The following SLC10A6 variants were observed in gnomAD, a reference collection of about 807,000 sequenced individuals.
SLC10A6 encodes the protein sodium-dependent organic anion transporter.
SLC10A6 carries 27 observed loss-of-function variants against 30.0 expected under a neutral mutation model. That is an observed-to-expected ratio of 0.90 (90% CI 0.66 to 1.24). SLC10A6 has a LOEUF of 1.24. Among genes scored for constraint, SLC10A6 ranks in the 50% most tolerant of loss-of-function variants. The probability of loss-of-function intolerance (pLI) is 0.00; values close to 1 mark genes in which losing one functional copy is unlikely to be tolerated. For missense variants in SLC10A6, 439 were observed against 457.0 expected, an observed-to-expected ratio of 0.96 and a Z score of 0.36; for synonymous variants, 166 against 173.8, an observed-to-expected ratio of 0.95 and a Z score of 0.36.
At chr4:86,846,648 C>T (rs1054795618) in intron 1 of SLC10A6, among the ~76,000 whole-genome samples, 1 of 152,162 alleles carries the variant, frequency 6.6e-6, no homozygotes, top group East Asian at 1.9e-4. Flanking sequence ...ATCACTTGAA[C>T]CCAGGAGGTG....
Position 86,823,684 on chromosome 4 carries a change from C to T in SLC10A6, c.*4G>A. ...AGGGGGCCAGTCCAGCCAGCTAGTCCCTGCTATTCACATGAAGTGATGTGG... is the reference window on the plus strand; with the variant it reads ...AGGGGGCCAGTCCAGCCAGCTAGTCTCTGCTATTCACATGAAGTGATGTGG... On this transcript the variant is annotated 3_prime_UTR_variant, in exon 6 of 6. Coordinates refer to ENST00000273905, the MANE Select transcript of SLC10A6 (RefSeq NM_197965.3). 1.9e-6 allele frequency: 3 copies of T among 1,586,270 alleles called. No individual in the cohort carries two copies. The highest frequency in any genetic ancestry group is 2.6e-6 in the Non-Finnish European group (3 of 1,166,452).
At chr4:86,829,716 C>T (rs1434772583) in intron 3 of SLC10A6, among the ~76,000 whole-genome samples, 1 of 150,944 alleles carries the variant, frequency 6.6e-6, no homozygotes, top group Non-Finnish European at 1.5e-5. Flanking sequence ...TGAAGATATA[C>T]TAAAATAATG....
intron 1 of SLC10A6, among the ~76,000 whole-genome samples, chr4:86,840,076 A>ATT (rs777856705): frequency 1.4e-5 from 2 of 142,318 alleles, no homozygotes; most frequent in Non-Finnish European, 1.6e-5. Context: ...CACCAGGCTA[A>ATT]TTTTTTTTTT....
chr4:86,825,068 C>G (rs1359687947), intron 5 of SLC10A6, among the ~76,000 whole-genome samples: 1 of 152,164 alleles, frequency 6.6e-6, no homozygotes, highest in Non-Finnish European at 1.5e-5. Context: ...TGAGACCTAA[C>G]AAATCAACGC....
intron 3 of SLC10A6, among the ~76,000 whole-genome samples, chr4:86,830,700 G>A (rs992721910): frequency 6.6e-6 from 1 of 152,178 alleles, no homozygotes; most frequent in Non-Finnish European, 1.5e-5. Context: ...AATGTTCTGT[G>A]AGGTAGAGCC....
chr4:86,842,880 T>TC (rs1242095027), intron 1 of SLC10A6, among the ~76,000 whole-genome samples: 16 of 116,614 alleles, frequency 1.4e-4, no homozygotes, highest in Admixed American at 3.9e-4. Flanking sequence ...CTTTCTTTTT[T>TC]TTTTTGAGAT....
intron 5 of SLC10A6, 124 bp downstream of exon 5, chr4:86,825,296 T>C: frequency 1.2e-6 from 1 of 831,052 alleles, no homozygotes; most frequent in Non-Finnish European, 1.8e-6. Context: ...TCCCCAGAAA[T>C]GTCAGGCTTT....
chr4:86,847,276 C>G (rs1421550939), intron 1 of SLC10A6, among the ~76,000 whole-genome samples: 2 of 152,134 alleles, frequency 1.3e-5, no homozygotes. Flanking sequence ...AGAAAATAAG[C>G]ATGAAAGCAT....
At chr4:86,846,341 G>C (rs887063171) in intron 1 of SLC10A6, among the ~76,000 whole-genome samples, 39 of 152,236 alleles carry the variant, frequency 2.6e-4, no homozygotes, top group African/African-American at 7.9e-4. Context: ...AAGAGGAAAA[G>C]TAGCTAATAT....
chr4:86,832,470 G>A (rs150971800), intron 2 of SLC10A6, among the ~76,000 whole-genome samples: 1,666 of 152,120 alleles, frequency 0.011, 14 homozygotes, highest in Non-Finnish European at 0.017. Flanking sequence ...AGCCGGGTGT[G>A]GTGGCCTGCA....
intron 3 of SLC10A6, 86 bp downstream of exon 3, chr4:86,831,706 G>A (rs1458638781): frequency 9.1e-7 from 1 of 1,099,386 alleles, no homozygotes; most frequent in African/African-American, 1.6e-5. Context: ...TACTCAACAA[G>A]CTCACTTGTC....
At chr4:86,827,614 C>T (rs140561338) in intron 4 of SLC10A6, among the ~76,000 whole-genome samples, 1 of 152,164 alleles carries the variant, frequency 6.6e-6, no homozygotes, top group East Asian at 1.9e-4. Flanking sequence ...TACTAAAGAA[C>T]TAAAATTATC....
intron 5 of SLC10A6, 147 bp downstream of exon 5, chr4:86,825,273 A>C (rs1578753055): frequency 1.6e-6 from 1 of 629,740 alleles, no homozygotes; most frequent in Admixed American, 2.9e-5. Context: ...TATCCTGTCT[A>C]TGTGCCTTAT....
At chr4:86,828,599 C>G (rs750054374) in intron 3 of SLC10A6, among the ~76,000 whole-genome samples, 2 of 151,894 alleles carry the variant, frequency 1.3e-5, no homozygotes, top group African/African-American at 4.8e-5. Context: ...TGCCTCCCCT[C>G]CCACCGCCCC....
rs1746439837 is a variant in SLC10A6 at position 86,849,021 on chromosome 4, A to G, written c.95T>C (p.Leu32Pro). The G allele has an allele frequency of 6.2e-7, 1 of 1,613,928 alleles. No homozygotes were observed. The highest frequency in any genetic ancestry group is 1.3e-5 in the African/African-American group (1 of 74,874). The change falls in exon 1 of 6, where the codon CTC becomes CCC. Residue 32 changes from leucine (L) to proline (P), a missense_variant. Transcript: ENST00000273905. Reference protein sequence around the residue: ...VGLEVHGNLELVFTVVSTVMM... With the variant: ...VGLEVHGNLEPVFTVVSTVMM... ...CACAGTGGACACCACTGTGAAAACG[A>G]GCTCCAGGTTTCCATGCACCTCCAG... is the stretch of plus-strand genomic sequence containing the variant.
Position 86,848,959 on chromosome 4 carries a change from C to T in SLC10A6, c.157G>A (p.Val53Met), listed in dbSNP as rs746663075. ...TGCGACCACAGCTTCCGGATCTCCACGGAACATCCCAAAGAGAACATGAGC... is the reference window on the plus strand; with the variant it reads ...TGCGACCACAGCTTCCGGATCTCCATGGAACATCCCAAAGAGAACATGAGC... ...GLLMFSLGCS[V>M]EIRKLWSHIR... The change falls in exon 1 of 6, where the codon GTG becomes ATG. Residue 53 changes from valine (V) to methionine (M), a missense_variant. Val to Met is a conservative substitution (Grantham distance 21, BLOSUM62 1). Transcript: ENST00000273905. The T allele has an allele frequency of 2.7e-5, 44 of 1,614,038 alleles. 1 individual carries two copies. The South Asian group carries it at 4.2e-4, about 15-fold the overall frequency.
At chr4:86,832,127 C>G (rs1746091060) in intron 2 of SLC10A6, among the ~76,000 whole-genome samples, 2 of 152,106 alleles carry the variant, frequency 1.3e-5, no homozygotes, top group African/African-American at 2.4e-5. Flanking sequence ...ACTTACTGAT[C>G]AGAAAAAAAG....
intron 5 of SLC10A6, 24 bp downstream of exon 5, chr4:86,825,396 C>T: frequency 6.4e-7 from 1 of 1,566,858 alleles, no homozygotes; most frequent in Non-Finnish European, 8.7e-7. Flanking sequence ...TCAGTTATTT[C>T]CTACCCAATG....
Position 86,828,141 on chromosome 4 carries a change from G to C in SLC10A6, c.613C>G (p.Leu205Val). 1 of 1,613,248 alleles carries C rather than the reference G, an allele frequency of 6.2e-7. No individual in the cohort carries two copies. Among genetic ancestry groups the C allele is most frequent in the Non-Finnish European group, 8.5e-7 (1 of 1,179,672 alleles). Residue 205 changes from leucine (L) to valine (V), a missense_variant, in exon 4 of 6, where the codon CTT becomes GTT. By Grantham distance (32) the Leu-to-Val change is conservative. Transcript: ENST00000273905. ...ACACCAGCAACTGCGACCACCAGAAGGAGGACCCCACCAACAACGGCCCCA... is the reference window on the plus strand; with the variant it reads ...ACACCAGCAACTGCGACCACCAGAACGAGGACCCCACCAACAACGGCCCCA... Reference protein sequence around the residue: ...KIGAVVGGVLLLVVAVAGVVL... With the variant: ...KIGAVVGGVLVLVVAVAGVVL...
Sources: gnomAD v4.1 joint callset for allele counts (sites outside exome capture counted in the v4.1 genomes callset) on GRCh38, gnomAD v4.1.1 for gene constraint, MANE v1.5 for transcripts, NCBI Gene and HGNC (gene_info 2026-07-23, HGNC 2026-07-21) for gene names.